Variants in ARID5B observed in about 807,000 individuals in gnomAD.
ARID5B encodes AT-rich interaction domain 5B, also known as AT-rich interactive domain-containing protein 5B.
Under a neutral mutation model 97.2 loss-of-function variants are expected in ARID5B, and 13 were observed. The observed-to-expected ratio is 0.13, with a 90% CI of 0.09 to 0.21. The LOEUF is 0.21. Ranked by LOEUF, ARID5B falls within the 10% of genes least tolerant of loss-of-function variation. ARID5B has a pLI of 1.00. For missense variants in ARID5B, 1,210 were observed against 1,465.3 expected, an observed-to-expected ratio of 0.83 and a Z score of 2.84; for synonymous variants, 556 against 570.3, an observed-to-expected ratio of 0.97 and a Z score of 0.36.
At chr10:62,078,446 A>G (rs1261225335) in intron 8 of ARID5B, among the ~76,000 whole-genome samples, 1 of 152,256 alleles carries the variant, frequency 6.6e-6, no homozygotes, top group Non-Finnish European at 1.5e-5. Context: ...CCGTGATTGC[A>G]TGAGACCCTG....
At chr10:61,908,634 C>T (rs1173576839) in intron 2 of ARID5B, among the ~76,000 whole-genome samples, 2 of 151,778 alleles carry the variant, frequency 1.3e-5, no homozygotes, top group East Asian at 3.9e-4. Context: ...CCCGTCTCTA[C>T]TAAAAATACA....
chr10:62,028,888 G>A (rs2132901559), intron 4 of ARID5B, among the ~76,000 whole-genome samples: 2 of 151,164 alleles, frequency 1.3e-5, no homozygotes, highest in Middle Eastern at 6.8e-3. Flanking sequence ...TTGAACCCAG[G>A]AGATGTTGCA....
chr10:62,081,266 A>G (rs185289630), intron 8 of ARID5B, among the ~76,000 whole-genome samples: 1 of 152,280 alleles, frequency 6.6e-6, no homozygotes, highest in Non-Finnish European at 1.5e-5. Flanking sequence ...GGATTCAAAT[A>G]CAACCCTAAA....
At chr10:62,086,166 T>G (rs1382936342) in intron 9 of ARID5B, among the ~76,000 whole-genome samples, 1 of 152,124 alleles carries the variant, frequency 6.6e-6, no homozygotes, top group Non-Finnish European at 1.5e-5. Flanking sequence ...TGTAGAAAAC[T>G]GATAGCAAAT....
chr10:62,046,389 G>A (rs1045977635), intron 4 of ARID5B, among the ~76,000 whole-genome samples: 5 of 152,156 alleles, frequency 3.3e-5, no homozygotes, highest in African/African-American at 4.8e-5. Flanking sequence ...GTGTGAACCC[G>A]TAGTGAAATA....
intron 4 of ARID5B, among the ~76,000 whole-genome samples, chr10:62,036,883 G>A (rs1839571775): frequency 6.6e-6 from 1 of 152,204 alleles, no homozygotes; most frequent in South Asian, 2.1e-4. Flanking sequence ...GCTGGTGCCC[G>A]AGGTTTTCCT....
chr10:61,920,408 C>A (rs1843993463), intron 2 of ARID5B, among the ~76,000 whole-genome samples: 1 of 150,298 alleles, frequency 6.7e-6, no homozygotes, highest in Non-Finnish European at 1.5e-5. Context: ...CGGCTCACTA[C>A]AACCTCCGCC....
At chr10:61,945,120 T>A (rs1296010996) in intron 3 of ARID5B, among the ~76,000 whole-genome samples, 1 of 152,198 alleles carries the variant, frequency 6.6e-6, no homozygotes, top group African/African-American at 2.4e-5. Flanking sequence ...TACATGTAGA[T>A]CTGTCACCAC....
intron 4 of ARID5B, among the ~76,000 whole-genome samples, chr10:62,034,847 C>A (rs1419220358): frequency 3.3e-5 from 5 of 152,186 alleles, no homozygotes; most frequent in African/African-American, 1.2e-4. Context: ...TTTTTTTAGG[C>A]AGCTCTGCAG....
At chr10:62,014,434 C>T (rs548408868) in intron 4 of ARID5B, among the ~76,000 whole-genome samples, 15 of 152,178 alleles carry the variant, frequency 9.9e-5, no homozygotes, top group African/African-American at 2.6e-4. Context: ...TAAGAAGTAG[C>T]GGCTGAAGGT....
chr10:61,919,044 C>CG (rs1274157179), intron 2 of ARID5B, among the ~76,000 whole-genome samples: 1 of 113,788 alleles, frequency 8.8e-6, no homozygotes, highest in East Asian at 2.6e-4. Flanking sequence ...CGTCCCCCCC[C>CG]CCCCCCCCAA....
chr10:62,060,420 G>A (rs566123204), intron 7 of ARID5B, among the ~76,000 whole-genome samples: 17 of 152,172 alleles, frequency 1.1e-4, no homozygotes, highest in South Asian at 6.2e-4. Flanking sequence ...CATATATGGC[G>A]TATGTACACA....
chr10:62,000,260 C>T lies in ARID5B; in HGVS notation c.672C>T (p.Tyr224=). 1 of 1,613,674 alleles carries T rather than the reference C, an allele frequency of 6.2e-7. No homozygotes were observed. The highest frequency in any genetic ancestry group is 8.5e-7 in the Non-Finnish European group (1 of 1,179,858). Residue 224 remains tyrosine, a synonymous_variant, in exon 4 of 10, where the codon TAC becomes TAT. Transcript: ENST00000279873. This position sits in a 1 kb window ranked among gnomAD's most constrained non-coding sequence, Gnocchi z 4.4. The part of the protein sequence containing the change: ...AVVSRNPQIL[Y]CRDTFDHPTL... ...TCAGCAGGAACCCTCAGATCCTGTA[C>T]TGTCGGGACACCTTTGACCACCCGA... is the stretch of plus-strand genomic sequence containing the variant.
chr10:61,932,413 C>CTTTTTTTTTTTTTTTTTT (rs200321468), intron 2 of ARID5B, among the ~76,000 whole-genome samples: 1 of 135,516 alleles, frequency 7.4e-6, no homozygotes. Flanking sequence ...TTTTCTTTTT[C>CTTTTTTTTTTTTTTTTTT]TTTTTTTTTT....
At chr10:62,032,159 A>G (rs1589266212) in intron 4 of ARID5B, among the ~76,000 whole-genome samples, 1 of 152,114 alleles carries the variant, frequency 6.6e-6, no homozygotes, top group South Asian at 2.1e-4. Context: ...TAAAAATATA[A>G]AAATAAAAAA....
chr10:62,056,237 A>G (rs1839854812), intron 5 of ARID5B, among the ~76,000 whole-genome samples: 1 of 152,156 alleles, frequency 6.6e-6, no homozygotes, highest in South Asian at 2.1e-4. Context: ...TGGAGACTTT[A>G]CCGCCTTTTA....
chr10:62,074,083 G>T (rs1840097938), intron 8 of ARID5B, among the ~76,000 whole-genome samples: 1 of 152,074 alleles, frequency 6.6e-6, no homozygotes, highest in African/African-American at 2.4e-5. Context: ...CATGCAGGGG[G>T]AAAAAAATCT....
At chr10:62,047,400 A>T (rs553551687) in intron 4 of ARID5B, among the ~76,000 whole-genome samples, 1 of 152,360 alleles carries the variant, frequency 6.6e-6, no homozygotes, top group Non-Finnish European at 1.5e-5. Flanking sequence ...CCAGTGAATC[A>T]TATACACACG....
Position 62,091,608 on chromosome 10 carries a change from T to A in ARID5B, c.2145T>A (p.Pro715=), listed in dbSNP as rs764040388. The part of the protein sequence containing the change: ...SSSYPYGSPP[P]LISKKKLIAR... ...GCTACCCTTATGGCTCCCCACCCCC[T>A]TTGATCAGCAAAAAGAAACTGATTG... The change falls in exon 10 of 10, where the codon CCT becomes CCA. Residue 715 remains proline (P), a synonymous_variant. Coordinates refer to ENST00000279873, the MANE Select transcript of ARID5B (RefSeq NM_032199.3). 2 of 1,613,292 alleles carry A rather than the reference T, an allele frequency of 1.2e-6. No individual in the cohort carries two copies. Among genetic ancestry groups the A allele is most frequent in the South Asian group, 2.2e-5 (2 of 90,956 alleles).
Sources: gnomAD v4.1 joint callset for allele counts (sites outside exome capture counted in the v4.1 genomes callset) on GRCh38, gnomAD v4.1.1 for gene constraint, Gnocchi (gnomAD v3.1) non-coding constraint, MANE v1.5 for transcripts, NCBI Gene and HGNC (gene_info 2026-07-23, HGNC 2026-07-21) for gene names.